TSPAN8: variants seen among roughly 807,000 people sequenced by gnomAD.
TSPAN8 encodes tetraspanin 8.
TSPAN8 carries 21 observed loss-of-function variants against 32.8 expected under a neutral mutation model. The observed-to-expected ratio is 0.64, with a 90% CI of 0.45 to 0.92. The LOEUF (loss-of-function observed/expected upper bound fraction) is 0.92. TSPAN8 is among the 40% of genes least tolerant of loss of function. TSPAN8 has a pLI of 0.00. For synonymous variants in TSPAN8, 95 were observed against 94.6 expected, an observed-to-expected ratio of 1.00 and a Z score of -0.03; for missense variants, 269 against 281.9, an observed-to-expected ratio of 0.95 and a Z score of 0.33.
chr12:71,128,369 A>G (rs1351000782), intron 8 of TSPAN8, among the ~76,000 whole-genome samples: 1 of 152,178 alleles, frequency 6.6e-6, no homozygotes, highest in African/African-American at 2.4e-5. Context: ...TAAGAGGTAG[A>G]AAATTACCAG....
intron 6 of TSPAN8, among the ~76,000 whole-genome samples, chr12:71,133,439 T>C (rs1407396690): frequency 2.0e-5 from 3 of 152,134 alleles, no homozygotes; most frequent in Non-Finnish European, 4.4e-5. Context: ...ATTTAGATAT[T>C]GTCAAAAAAG....
chr12:71,140,887 T>C (rs1871883551), intron 3 of TSPAN8, among the ~76,000 whole-genome samples: 1 of 152,188 alleles, frequency 6.6e-6, no homozygotes, highest in Non-Finnish European at 1.5e-5. Context: ...ACTCGAAACC[T>C]CTGCCTCCCA....
At chr12:71,125,731 G>A (rs1278813328) in intron 8 of TSPAN8, among the ~76,000 whole-genome samples, 2 of 152,062 alleles carry the variant, frequency 1.3e-5, no homozygotes, top group African/African-American at 4.8e-5. Flanking sequence ...CTGGAGCACT[G>A]GGGATCTCAG....
intron 6 of TSPAN8, among the ~76,000 whole-genome samples, chr12:71,134,702 G>A (rs1871623863): frequency 6.6e-6 from 1 of 152,074 alleles, no homozygotes; most frequent in Non-Finnish European, 1.5e-5. Context: ...TCTGTCAAAT[G>A]TAAATTAAAT....
chr12:71,149,085 G>T (rs892970363), intron 2 of TSPAN8, among the ~76,000 whole-genome samples: 2 of 152,102 alleles, frequency 1.3e-5, no homozygotes, highest in African/African-American at 4.8e-5. Context: ...CCTTGAAAAA[G>T]ATGAGACCAA....
At chr12:71,136,441 A>G (rs11178647) in intron 6 of TSPAN8, among the ~76,000 whole-genome samples, 1 of 152,312 alleles carries the variant, frequency 6.6e-6, no homozygotes, top group South Asian at 2.1e-4. Flanking sequence ...AGATTAAGTG[A>G]CCTATAAAAT....
chr12:71,134,556 G>T (rs1871619984), intron 6 of TSPAN8, among the ~76,000 whole-genome samples: 1 of 152,196 alleles, frequency 6.6e-6, no homozygotes, highest in African/African-American at 2.4e-5. Context: ...GGAAATTTCA[G>T]TTTGTTTCAA....
At chr12:71,148,113 A>C (rs1872133238) in intron 2 of TSPAN8, among the ~76,000 whole-genome samples, 1 of 152,248 alleles carries the variant, frequency 6.6e-6, no homozygotes, top group South Asian at 2.1e-4. Context: ...ATAATAAAAA[A>C]TATAACTATT....
At chr12:71,129,902 T>G (rs181607314) in intron 7 of TSPAN8, among the ~76,000 whole-genome samples, 1 of 152,086 alleles carries the variant, frequency 6.6e-6, no homozygotes, top group East Asian at 1.9e-4. Context: ...GATAATAATA[T>G]TGTAAATTTT....
At chr12:71,153,899 G>A (rs1278191031) in intron 2 of TSPAN8, among the ~76,000 whole-genome samples, 1 of 152,156 alleles carries the variant, frequency 6.6e-6, no homozygotes, top group African/African-American at 2.4e-5. Flanking sequence ...GACCACATAT[G>A]CTGGTGGTAG....
At chr12:71,129,490 C>A in intron 7 of TSPAN8, 76 bp from the exon 8 acceptor site, 1 of 1,371,422 alleles carries the variant, frequency 7.3e-7, no homozygotes. Context: ...TTTTATTAAT[C>A]TGGTTGACTT....
chr12:71,129,991 C>T (rs1462656737), intron 7 of TSPAN8, among the ~76,000 whole-genome samples: 12 of 149,038 alleles, frequency 8.1e-5, no homozygotes, highest in African/African-American at 2.5e-4. Context: ...CTCCCTCCAG[C>T]GCTGAAGCTG....
At chr12:71,128,597 T>C (rs886962020) in intron 8 of TSPAN8, among the ~76,000 whole-genome samples, 2 of 152,158 alleles carry the variant, frequency 1.3e-5, no homozygotes, top group Non-Finnish European at 2.9e-5. Context: ...TTTAATTCAT[T>C]TTCTTGGCAA....
At chr12:71,145,108 G>C (rs1480390646) in intron 2 of TSPAN8, among the ~76,000 whole-genome samples, 1 of 152,128 alleles carries the variant, frequency 6.6e-6, no homozygotes, top group Non-Finnish European at 1.5e-5. Flanking sequence ...TGCTCTGACA[G>C]ACAAATGTCC....
At chr12:71,136,615 G>T (rs919679171) in intron 6 of TSPAN8, among the ~76,000 whole-genome samples, 2 of 152,212 alleles carry the variant, frequency 1.3e-5, no homozygotes, top group Non-Finnish European at 2.9e-5. Flanking sequence ...TTACTCTTTA[G>T]AGAGTAGTAC....
At chr12:71,155,435 G>C (rs896969405) in intron 2 of TSPAN8, among the ~76,000 whole-genome samples, 1 of 152,124 alleles carries the variant, frequency 6.6e-6, no homozygotes, top group Admixed American at 6.5e-5. Flanking sequence ...CCAGACTGTG[G>C]GCAATGTGAT....
At chr12:71,154,634 T>C (rs1164308929) in intron 2 of TSPAN8, among the ~76,000 whole-genome samples, 1 of 152,224 alleles carries the variant, frequency 6.6e-6, no homozygotes, top group African/African-American at 2.4e-5. Flanking sequence ...TATTTGAAGA[T>C]TGCTACTGGT....
intron 2 of TSPAN8, 62 bp from the exon 3 acceptor site, chr12:71,144,275 A>G: frequency 6.9e-7 from 1 of 1,459,014 alleles, no homozygotes; most frequent in Non-Finnish European, 9.4e-7. Flanking sequence ...CTCTATTTCC[A>G]CACCCTCCTA....
chr12:71,137,835 A>T, intron 6 of TSPAN8, 118 bp downstream of exon 6: 1 of 845,996 alleles, frequency 1.2e-6, no homozygotes, highest in Non-Finnish European at 1.8e-6. Flanking sequence ...TGACAGAATA[A>T]TCAATCAAAA....
Sources: allele counts gnomAD v4.1 joint callset (sites outside exome capture counted in the v4.1 genomes callset), GRCh38; gene constraint gnomAD v4.1.1; transcripts MANE v1.5; gene names NCBI Gene and HGNC (gene_info 2026-07-23, HGNC 2026-07-21).